The following PPP1R11 variants were observed in gnomAD, a reference collection of about 807,000 sequenced individuals.
PPP1R11 encodes the protein protein phosphatase 1 regulatory inhibitor subunit 11, also known as E3 ubiquitin-protein ligase PPP1R11.
Under a neutral mutation model 11.3 loss-of-function variants are expected in PPP1R11, and 10 were observed. The ratio of observed to expected loss-of-function variants is 0.88; its 90% CI spans 0.55 to 1.50. The LOEUF is 1.50. PPP1R11 is among the 40% of genes most tolerant of loss of function. The probability of loss-of-function intolerance (pLI) is 0.00; values close to 1 mark genes in which losing one functional copy is unlikely to be tolerated. For missense variants in PPP1R11, 114 were observed against 179.1 expected (o/e 0.64, Z 2.07); for synonymous variants, 56 against 62.3 (o/e 0.90, Z 0.48).
rs1381354631 is a variant in PPP1R11, at chr6:30,069,024, A to C, written c.179-80A>C. ...AAGGTAGGAGAAAATAGGAATTTTC[A>C]CTGAGTTTGAGTGGGAATGGAACTG... On this transcript the variant is annotated intron_variant, in intron 2 of 2. Transcript: ENST00000376772. This position sits in a 1 kb window ranked among gnomAD's most constrained non-coding sequence, Gnocchi z 6.6. The C allele has an allele frequency of 1.4e-6, 2 of 1,396,098 alleles. No individual in the cohort carries two copies. The highest frequency in any genetic ancestry group is 2.9e-5 in the African/African-American group (2 of 69,682). The allele number at this position is 1,396,098 out of a possible 1,614,324, so 86.5% of individuals were successfully genotyped here.
chr6:30,067,643 A>C, intron 1 of PPP1R11, 164 bp downstream of exon 1: 1 of 855,388 alleles, frequency 1.2e-6, no homozygotes, highest in Non-Finnish European at 1.8e-6. Flanking sequence ...AGCTATTTGG[A>C]GTGGCAGAGA....
upstream of PPP1R11, chr6:30,064,692 T>TCTTG (rs768866909): frequency 6.2e-7 from 1 of 1,609,152 alleles, no homozygotes; most frequent in Non-Finnish European, 8.5e-7. Context: ...GAAGGAAGAC[T>TCTTG]CTTGACCTTT....
chr6:30,064,792 T>A, upstream of PPP1R11: 1 of 1,136,520 alleles, frequency 8.8e-7, no homozygotes, highest in Non-Finnish European at 1.3e-6. Context: ...CTGGTTGCAA[T>A]GTTTTGCTCC....
upstream of PPP1R11, chr6:30,062,344 T>C (rs931169153): frequency 1.3e-6 from 2 of 1,549,016 alleles, no homozygotes; most frequent in Admixed American, 3.3e-5. Flanking sequence ...GTGAGTATTC[T>C]TTCCCCTCCC....
In PPP1R11 at chr6:30,069,347, A is replaced by G; in HGVS notation, c.*41A>G. The G allele has an allele frequency of 1.4e-6, 2 of 1,461,888 alleles. No homozygotes were observed. Among genetic ancestry groups the G allele is most frequent in the Non-Finnish European group, 1.9e-6 (2 of 1,076,314 alleles). 90.6% of individuals were successfully genotyped at this position (1,461,888 alleles called of 1,614,324 possible). ...AGCATTCCTGTGTCTGTCTGGCCCT[A>G]AATGTATCCATGTGGCTACTTCTCC... On this transcript the variant is annotated 3_prime_UTR_variant, in exon 3 of 3. Coordinates refer to ENST00000376772, the MANE Select transcript of PPP1R11 (RefSeq NM_021959.3). The surrounding 1 kb of genome is among the most constrained non-coding windows in gnomAD (Gnocchi z 6.6).
the PPP1R11 span, chr6:30,061,491 A>G: frequency 1.2e-6 from 2 of 1,609,600 alleles, no homozygotes; most frequent in East Asian, 2.2e-5. The surrounding 1 kb of genome is among the most constrained non-coding windows in gnomAD (Gnocchi z 5.0). Context: ...TCTTTTGTTA[A>G]TAAACTTCCA....
chr6:30,061,622 A>T, the PPP1R11 span: 7 of 1,612,936 alleles, frequency 4.3e-6, no homozygotes, highest in Non-Finnish European at 5.9e-6. The surrounding 1 kb of genome is among the most constrained non-coding windows in gnomAD (Gnocchi z 5.0). Flanking sequence ...CCCGGGGCTC[A>T]GGATACGGTC....
chr6:30,061,841 G>C (rs1765100514), upstream of PPP1R11: 6 of 1,575,798 alleles, frequency 3.8e-6, no homozygotes, highest in Non-Finnish European at 4.3e-6. This position sits in a 1 kb window ranked among gnomAD's most constrained non-coding sequence, Gnocchi z 5.0. Context: ...GGCCTAACCA[G>C]CCAGGGGAAA....
At chr6:30,062,714 CTTTTTTTTTTTTTTTTT>C (rs9278555), upstream of PPP1R11, among the ~76,000 whole-genome samples, 5 of 42,388 alleles carry the variant, frequency 1.2e-4, no homozygotes, top group African/African-American at 3.0e-4. Flanking sequence ...CCACGCCTGG[CTTTTTTTTTTTTTTTTT>C]TTTTTTTTTT....
chr6:30,068,539 A>G (rs762590143), intron 1 of PPP1R11, 51 bp from the exon 2 acceptor site: 1 of 1,480,138 alleles, frequency 6.8e-7, no homozygotes, highest in Admixed American at 1.7e-5. Context: ...AGGGAGTGGG[A>G]AAGGTTAGTA....
chr6:30,069,676 A>C lies in PPP1R11; in HGVS notation c.*370A>C. 3.9e-6 allele frequency: 1 copy of C among 253,910 alleles called. No homozygotes were observed. The highest frequency in any genetic ancestry group is 7.5e-6 in the Non-Finnish European group (1 of 134,110). The allele number at this position is 253,910 out of a possible 1,614,324, so 15.7% of individuals were successfully genotyped here. On this transcript the variant is annotated 3_prime_UTR_variant, in exon 3 of 3. Coordinates refer to ENST00000376772, the MANE Select transcript of PPP1R11 (RefSeq NM_021959.3). The surrounding 1 kb of genome is among the most constrained non-coding windows in gnomAD (Gnocchi z 6.6). ...TTCAACAGTCCCAGCTTTCACTGCC[A>C]GGGTCCCAGTCAGATTCCAGGAATT...
chr6:30,063,509 TTTA>T (rs947336692), upstream of PPP1R11, among the ~76,000 whole-genome samples: 95 of 151,488 alleles, frequency 6.3e-4, no homozygotes, highest in African/African-American at 2.2e-3. This position sits in a 1 kb window ranked among gnomAD's most constrained non-coding sequence, Gnocchi z 4.1. Context: ...AATTGTTCCT[TTTA>T]TTATTCTTTA....
At chr6:30,065,982 C>T (rs28697040), upstream of PPP1R11, among the ~76,000 whole-genome samples, 4 of 152,164 alleles carry the variant, frequency 2.6e-5, no homozygotes, top group East Asian at 7.7e-4. The surrounding 1 kb of genome is among the most constrained non-coding windows in gnomAD (Gnocchi z 5.3). Flanking sequence ...TTGTGTGGCC[C>T]TTTATATATA....
rs535663395 is a variant in PPP1R11 at position 30,068,376 on chromosome 6, A to G, written c.70-214A>G. ...TAGGTTAGGAATTGTGTCTTCTCTT[A>G]TACTGGTGGTATAAGAACAGGAAAT... On this transcript the variant is annotated intron_variant, in intron 1 of 2. Transcript: ENST00000376772. The G allele has an allele frequency of 3.7e-4, 164 of 438,054 alleles. 2 individuals carry two copies. Among genetic ancestry groups the G allele is most frequent in the Middle Eastern group, 1.7e-3 (3 of 1,742 alleles). 27.1% of individuals were successfully genotyped at this position (438,054 alleles called of 1,614,324 possible). A position where few individuals can be genotyped will look rare whatever the true frequency, so the allele number is the denominator to read the frequency against.
At chr6:30,062,002 G>C (rs766686472), upstream of PPP1R11, 53 of 1,612,964 alleles carry the variant, frequency 3.3e-5, no homozygotes, top group Non-Finnish European at 4.2e-5. Flanking sequence ...AAGGGCCTGA[G>C]TGCCAGGGAC....
At chr6:30,062,349 C>T (rs1255740155), upstream of PPP1R11, 5 of 1,525,960 alleles carry the variant, frequency 3.3e-6, no homozygotes, top group Non-Finnish European at 4.5e-6. Flanking sequence ...TATTCTTTCC[C>T]CTCCCTCTGC....
chr6:30,068,556 G>C (rs17187693), intron 1 of PPP1R11, 34 bp from the exon 2 acceptor site: 100,525 of 1,565,322 alleles, frequency 0.064, 4,211 homozygotes, highest in South Asian at 0.15. Flanking sequence ...AGTAAGAGGG[G>C]ACTAGATAGG....
chr6:30,061,897 G>T, upstream of PPP1R11: 1 of 1,612,360 alleles, frequency 6.2e-7, no homozygotes, highest in African/African-American at 1.3e-5. This position sits in a 1 kb window ranked among gnomAD's most constrained non-coding sequence, Gnocchi z 5.0. Context: ...TCCATAACCA[G>T]TTCTTACTTG....
chr6:30,067,253 T>G lies in PPP1R11; in HGVS notation c.-158T>G. The G allele has an allele frequency of 1.4e-6, 1 of 712,794 alleles. No homozygotes were observed. The highest frequency in any genetic ancestry group is 2.3e-6 in the Non-Finnish European group (1 of 429,180). 44.2% of individuals were successfully genotyped at this position (712,794 alleles called of 1,614,324 possible). ...GGGTTAGCCAGGTTATCCCCAGGGG[T>G]GGAGAAGCGGAGGCCCAGGAGGAGG... On this transcript the variant is annotated 5_prime_UTR_variant, in exon 1 of 3. Coordinates refer to ENST00000376772, the MANE Select transcript of PPP1R11 (RefSeq NM_021959.3).
Sources: allele counts gnomAD v4.1 joint callset (sites outside exome capture counted in the v4.1 genomes callset), GRCh38; gene constraint gnomAD v4.1.1; non-coding constraint Gnocchi (gnomAD v3.1); transcripts MANE v1.5; gene names NCBI Gene and HGNC (gene_info 2026-07-23, HGNC 2026-07-21).